Variants in AFF3 observed in about 807,000 individuals in gnomAD.
The protein encoded by AFF3 is ALF transcription elongation factor 3.
Under a neutral mutation model 129.7 loss-of-function variants are expected in AFF3, and 32 were observed. That is an observed-to-expected ratio of 0.25 (90% CI 0.19 to 0.33). The LOEUF is 0.33. Among genes scored for constraint, AFF3 ranks in the 10% least tolerant of loss-of-function variants. The pLI is 1.00. For missense variants in AFF3, 1,373 were observed against 1,592.0 expected (o/e 0.86, Z 2.34); for synonymous variants, 644 against 635.4 (o/e 1.01, Z -0.20).
At chr2:99,695,656 A>C (rs754633807) in intron 11 of AFF3, among the ~76,000 whole-genome samples, 5 of 152,146 alleles carry the variant, frequency 3.3e-5, no homozygotes, top group Non-Finnish European at 7.3e-5. Flanking sequence ...TTATAAATGA[A>C]CATGTTCAGT....
rs766277223 is a variant in AFF3, at chr2:99,558,921, C to T, written c.3239G>A (p.Arg1080Lys). 6.2e-7 allele frequency: 1 copy of T among 1,614,182 alleles called. No homozygotes were observed. The highest frequency in any genetic ancestry group is 1.1e-5 in the South Asian group (1 of 91,088). Residue 1080 changes from arginine to lysine, a missense_variant, in exon 22 of 25, where the codon AGG becomes AAG. Coordinates refer to ENST00000672756, the MANE Select transcript of AFF3 (RefSeq NM_001386135.1). ...LLYWRMFRLK[R>K]DHAVKYSKAL... The stretch of plus-strand genomic sequence containing the variant: ...TTTTGAATACTTTACAGCGTGGTCC[C>T]TTTTGAGTCGAAACATCCGCCAGTA...
chr2:99,871,821 C>A (rs1177795119), intron 7 of AFF3, among the ~76,000 whole-genome samples: 1 of 152,090 alleles, frequency 6.6e-6, no homozygotes, highest in African/African-American at 2.4e-5. Context: ...GCAACCCACA[C>A]AATACATGAC....
At chr2:100,017,068 G>A (rs968435176) in intron 4 of AFF3, among the ~76,000 whole-genome samples, 2 of 151,960 alleles carry the variant, frequency 1.3e-5, no homozygotes, top group Non-Finnish European at 2.9e-5. Context: ...TGGTGGTAAT[G>A]GTGTTGGTGG....
intron 11 of AFF3, among the ~76,000 whole-genome samples, chr2:99,688,135 C>T (rs1224991270): frequency 6.6e-6 from 1 of 152,192 alleles, no homozygotes; most frequent in Non-Finnish European, 1.5e-5. Flanking sequence ...AGCCACTGCG[C>T]CCGGCCCCAG....
chr2:99,792,281 C>T (rs1685248656), intron 8 of AFF3, among the ~76,000 whole-genome samples: 1 of 152,202 alleles, frequency 6.6e-6, no homozygotes, highest in East Asian at 1.9e-4. Flanking sequence ...CAAGACCAGC[C>T]TGGGTAAGAA....
In AFF3 at chr2:100,006,873, T is replaced by C; in HGVS notation, c.632A>G (p.His211Arg). ...GGATGGAGGAAAGTTCTGAACACAG[T>C]GTCCGCTGCTGCTGTGCTTGGCCGC... ...AMAAKHSSSG[H>R]CVQNFPPSLA... Residue 211 changes from histidine (H) to arginine (R), a missense_variant, in exon 7 of 25, where the codon CAC becomes CGC. His to Arg is a conservative substitution (Grantham distance 29). Coordinates refer to ENST00000672756, the MANE Select transcript of AFF3 (RefSeq NM_001386135.1). 6 of 1,614,178 alleles carry C rather than the reference T, an allele frequency of 3.7e-6. No homozygotes were observed. Among genetic ancestry groups the C allele is most frequent in the Non-Finnish European group, 4.2e-6 (5 of 1,180,034 alleles).
intron 4 of AFF3, chr2:100,011,494 T>C (rs896409147): frequency 2.6e-6 from 2 of 780,860 alleles, no homozygotes; most frequent in Non-Finnish European, 4.8e-6. Flanking sequence ...CCCAAAATAA[T>C]ACCTCCTGCA....
rs115354505 is a variant in AFF3 at position 99,816,460 on chromosome 2, C to A, written c.921+21017G>T. ...TCTAGGACAGTGGATTCCAGGTAAG[C>A]ACATTGCATGCTTGGAGATGAGGAT... On this transcript the variant is annotated intron_variant, in intron 8 of 24. Coordinates refer to ENST00000672756, the MANE Select transcript of AFF3 (RefSeq NM_001386135.1). Among the ~76,000 whole-genome samples the A allele has an allele frequency of 2.6e-3, 403 of 152,286 alleles. 2 individuals are homozygous for A. Among genetic ancestry groups the A allele is most frequent in the Non-Finnish European group, 4.8e-3 (327 of 68,028 alleles).
chr2:99,682,791 C>G (rs562161552), intron 11 of AFF3, among the ~76,000 whole-genome samples: 1 of 152,276 alleles, frequency 6.6e-6, no homozygotes, highest in South Asian at 2.1e-4. Flanking sequence ...CTGAATAGGG[C>G]TTGGAAAATC....
intron 4 of AFF3, among the ~76,000 whole-genome samples, chr2:100,087,229 T>G (rs1357474724): frequency 6.6e-6 from 1 of 152,226 alleles, no homozygotes; most frequent in Non-Finnish European, 1.5e-5. Flanking sequence ...TACTTGGCCC[T>G]GAAGGTATTT....
intron 12 of AFF3, among the ~76,000 whole-genome samples, chr2:99,662,473 G>A (rs1350168631): frequency 1.3e-5 from 2 of 151,984 alleles, no homozygotes; most frequent in Admixed American, 6.5e-5. Context: ...TATACTTTTT[G>A]TATGGTCCAT....
chr2:99,975,995 C>T (rs1028625947), intron 7 of AFF3, among the ~76,000 whole-genome samples: 1 of 151,898 alleles, frequency 6.6e-6, no homozygotes, highest in Non-Finnish European at 1.5e-5. Context: ...CAGGTCCCCA[C>T]AACCAGCCAG....
Position 99,752,260 on chromosome 2 carries a change from A to G in AFF3, c.963T>C (p.Pro321=), listed in dbSNP as rs776544089. Residue 321 remains proline, a synonymous_variant, in exon 9 of 25, where the codon CCT becomes CCC. Coordinates refer to ENST00000672756, the MANE Select transcript of AFF3 (RefSeq NM_001386135.1). ...WLPPLSAIQA[P]GKVEPTKFPF... is the part of the protein sequence containing the mutation. ...GAAATTTGGTTGGTTCCACTTTGCCAGGTGCTTGAATAGCAGAAAGTGGTG... is the reference window on the plus strand; with the variant it reads ...GAAATTTGGTTGGTTCCACTTTGCCGGGTGCTTGAATAGCAGAAAGTGGTG... 5.6e-6 allele frequency: 9 copies of G among 1,613,966 alleles called. No homozygotes were observed. Among genetic ancestry groups the G allele is most frequent in the Middle Eastern group, 1.6e-4 (1 of 6,084 alleles).
chr2:99,819,899 G>A (rs1379788718), intron 8 of AFF3, among the ~76,000 whole-genome samples: 3 of 152,204 alleles, frequency 2.0e-5, no homozygotes, highest in South Asian at 2.1e-4. Context: ...GGACAGCCTT[G>A]CCTGTTGTTG....
intron 8 of AFF3, among the ~76,000 whole-genome samples, chr2:99,798,159 C>G (rs1685684510): frequency 6.6e-6 from 1 of 151,898 alleles, no homozygotes; most frequent in African/African-American, 2.4e-5. Context: ...GGTTCTTACA[C>G]TGAACATGAA....
intron 4 of AFF3, among the ~76,000 whole-genome samples, chr2:100,029,977 A>C (rs1684360369): frequency 1.3e-5 from 2 of 151,638 alleles, no homozygotes; most frequent in African/African-American, 4.9e-5. Flanking sequence ...TGAGGTGGGA[A>C]GATCACCTGA....
intron 8 of AFF3, among the ~76,000 whole-genome samples, chr2:99,823,162 G>A (rs924883574): frequency 6.6e-6 from 1 of 152,138 alleles, no homozygotes; most frequent in Non-Finnish European, 1.5e-5. Context: ...CTGCAGCCTA[G>A]GTAGGTTTTG....
chr2:100,138,180 A>T (rs575411096), intron 1 of AFF3, among the ~76,000 whole-genome samples: 4 of 152,254 alleles, frequency 2.6e-5, no homozygotes, highest in African/African-American at 9.6e-5. Flanking sequence ...CCTTCTGGGG[A>T]TGCCTCACCA....
At chr2:100,075,201 A>G (rs1305520233) in intron 4 of AFF3, among the ~76,000 whole-genome samples, 2 of 152,120 alleles carry the variant, frequency 1.3e-5, no homozygotes, top group African/African-American at 2.4e-5. Flanking sequence ...GCAGACCATG[A>G]ACTAAGTTAA....
Sources: gnomAD v4.1 joint callset for allele counts (sites outside exome capture counted in the v4.1 genomes callset) on GRCh38, gnomAD v4.1.1 for gene constraint, MANE v1.5 for transcripts, NCBI Gene and HGNC (gene_info 2026-07-23, HGNC 2026-07-21) for gene names.